SHLD2: variants seen among roughly 807,000 people sequenced by gnomAD.
SHLD2 encodes the protein RINN1-REV7-interacting novel NHEJ regulator 2.
Under a neutral mutation model 73.2 loss-of-function variants are expected in SHLD2, and 30 were observed. The observed-to-expected ratio is 0.41, with a 90% CI of 0.31 to 0.56. SHLD2 has a LOEUF of 0.56. Ranked by LOEUF, SHLD2 falls within the 20% of genes least tolerant of loss-of-function variation. The pLI is 0.28. For synonymous variants in SHLD2, 285 were observed against 370.1 expected (o/e 0.77, Z 2.64); for missense variants, 745 against 1,055.9 (o/e 0.71, Z 4.08).
At chr10:87,180,383 C>G in intron 8 of SHLD2, 80 bp downstream of exon 8, 1 of 1,532,914 alleles carries the variant, frequency 6.5e-7, no homozygotes, top group Non-Finnish European at 8.8e-7. Flanking sequence ...CCCTTACTTT[C>G]TAAAAATAAT....
intron 8 of SHLD2, among the ~76,000 whole-genome samples, chr10:87,186,078 TG>T (rs1848602719): frequency 6.6e-6 from 1 of 152,128 alleles, no homozygotes; most frequent in Admixed American, 6.5e-5. Flanking sequence ...TTTTCACTAG[TG>T]GGTACCCAGC....
intron 2 of SHLD2, among the ~76,000 whole-genome samples, chr10:87,129,360 G>C (rs1844267237): frequency 6.6e-6 from 1 of 152,116 alleles, no homozygotes; most frequent in Admixed American, 6.5e-5. Flanking sequence ...CAAAGTGCTG[G>C]GATTATGGGC....
chr10:87,148,748 A>G (rs1161989938), intron 2 of SHLD2, among the ~76,000 whole-genome samples: 1 of 152,180 alleles, frequency 6.6e-6, no homozygotes, highest in African/African-American at 2.4e-5. Context: ...AACTCAAAAA[A>G]TAAAATAAAA....
Position 87,152,808 on chromosome 10 carries a change from A to T in SHLD2, c.1454A>T (p.Lys485Met). 2 of 1,611,392 alleles carry T rather than the reference A, an allele frequency of 1.2e-6. No individual in the cohort carries two copies. Among genetic ancestry groups the T allele is most frequent in the African/African-American group, 2.7e-5 (2 of 74,916 alleles). ...ATTGATCAATCAGAAACTAAGAAGA[A>T]GGTTTTTCTGTGGAGGACTGCAGCA... is the stretch of plus-strand genomic sequence containing the variant. ...TVIDQSETKK[K>M]VFLWRTAAFW... is the part of the protein sequence containing the mutation. The change falls in exon 3 of 10, where the codon AAG becomes ATG. Residue 485 changes from lysine to methionine, a missense_variant. This residue lies in a region of SHLD2 where 418 missense variants were observed against 567.8 expected (regional missense o/e 0.74). Transcript: ENST00000298786.
chr10:87,113,070 A>G (rs1843029516), intron 2 of SHLD2, among the ~76,000 whole-genome samples: 1 of 152,188 alleles, frequency 6.6e-6, no homozygotes, highest in Admixed American at 6.5e-5. Flanking sequence ...TCACACCTGA[A>G]ATCCCAGCAC....
intron 2 of SHLD2, among the ~76,000 whole-genome samples, chr10:87,147,320 A>G (rs61858907): frequency 0.1 from 15,885 of 151,724 alleles, 947 homozygotes; most frequent in Admixed American, 0.15. Flanking sequence ...GAAATTCTCT[A>G]GAGGTGTGTG....
At chr10:87,150,116 G>A (rs1404603723) in intron 2 of SHLD2, among the ~76,000 whole-genome samples, 2 of 146,974 alleles carry the variant, frequency 1.4e-5, no homozygotes, top group East Asian at 4.1e-4. Flanking sequence ...CCAGGCTGGA[G>A]TGCAGTGGCG....
chr10:87,170,494 T>G lies in SHLD2; in HGVS notation c.1650T>G (p.Ser550Arg). Reference protein sequence around the residue: ...IQPEEYSSVVSEVVLQDLLAY... With the variant: ...IQPEEYSSVVREVVLQDLLAY... The stretch of plus-strand genomic sequence containing the variant: ...TTCCCTTAGATTCCAGTGTAGTTAG[T>G]GAAGTTGTACTTCAAGACTTACTGG... The change falls in exon 5 of 10, where the codon AGT becomes AGG. Residue 550 changes from serine (S) to arginine (R), a missense_variant. Around this residue, in one of 5 missense-constraint regions of SHLD2, gnomAD observed 418 missense variants for 567.8 expected, o/e 0.74. Transcript: ENST00000298786. 1 of 1,591,734 alleles carries G rather than the reference T, an allele frequency of 6.3e-7. No individual in the cohort carries two copies. The highest frequency in any genetic ancestry group is 8.5e-7 in the Non-Finnish European group (1 of 1,173,054).
At chr10:87,115,581 T>C (rs1437199752) in intron 2 of SHLD2, 1 of 152,012 alleles carries the variant, frequency 6.6e-6, no homozygotes. Flanking sequence ...TAGTGGGTTG[T>C]CATGGGTTAA....
intron 2 of SHLD2, among the ~76,000 whole-genome samples, chr10:87,127,209 A>G (rs1442098216): frequency 2.6e-5 from 4 of 152,062 alleles, no homozygotes; most frequent in Non-Finnish European, 5.9e-5. Context: ...ATAACAAAGT[A>G]TAACTCAATT....
chr10:87,141,632 G>A (rs932169428), intron 2 of SHLD2, among the ~76,000 whole-genome samples: 3 of 152,128 alleles, frequency 2.0e-5, no homozygotes, highest in African/African-American at 7.2e-5. Flanking sequence ...CAAAATAGCT[G>A]GAAGAGGGGC....
intron 2 of SHLD2, among the ~76,000 whole-genome samples, chr10:87,113,729 A>C (rs1213345183): frequency 6.6e-6 from 1 of 152,218 alleles, no homozygotes; most frequent in African/African-American, 2.4e-5. Context: ...AGTATAGGCC[A>C]AGTGCAGTGG....
chr10:87,122,606 T>G (rs1464018102), intron 2 of SHLD2, among the ~76,000 whole-genome samples: 2 of 152,014 alleles, frequency 1.3e-5, no homozygotes, highest in African/African-American at 2.4e-5. Flanking sequence ...TAAAATTGAT[T>G]CCTGCCCTGG....
intron 2 of SHLD2, among the ~76,000 whole-genome samples, chr10:87,121,847 C>T (rs1371176796): frequency 4.7e-5 from 7 of 148,618 alleles, no homozygotes; most frequent in Non-Finnish European, 8.9e-5. Flanking sequence ...TCACTGCATC[C>T]TCCGCCTCCT....
At chr10:87,128,878 A>C (rs1844226134) in intron 2 of SHLD2, among the ~76,000 whole-genome samples, 1 of 151,942 alleles carries the variant, frequency 6.6e-6, no homozygotes, top group African/African-American at 2.4e-5. Context: ...TTAATTTTTA[A>C]ATTTATTTAT....
chr10:87,129,898 G>T (rs1374979712), intron 2 of SHLD2, among the ~76,000 whole-genome samples: 1 of 152,118 alleles, frequency 6.6e-6, no homozygotes, highest in Admixed American at 6.5e-5. Flanking sequence ...TGGGATTACA[G>T]TGTAGTATCT....
chr10:87,128,136 A>G (rs927388595), intron 2 of SHLD2, among the ~76,000 whole-genome samples: 6 of 152,348 alleles, frequency 3.9e-5, no homozygotes, highest in African/African-American at 1.2e-4. Context: ...TAAAACAAAC[A>G]GTAATTCTCA....
chr10:87,105,960 CTG>C (rs1486306014), intron 2 of SHLD2, among the ~76,000 whole-genome samples: 2 of 152,194 alleles, frequency 1.3e-5, no homozygotes, highest in African/African-American at 4.8e-5. Flanking sequence ...TACAGGCAGA[CTG>C]TGCCAGCCAG....
chr10:87,130,844 G>A (rs1844376306), intron 2 of SHLD2, among the ~76,000 whole-genome samples: 1 of 152,166 alleles, frequency 6.6e-6, no homozygotes. Flanking sequence ...GTCGAGGCAG[G>A]TAGACTCCTT....
Sources: allele counts gnomAD v4.1 joint callset (sites outside exome capture counted in the v4.1 genomes callset), GRCh38; gene constraint gnomAD v4.1.1; regional missense constraint gnomAD v4.1.1; transcripts MANE v1.5; gene names NCBI Gene and HGNC (gene_info 2026-07-23, HGNC 2026-07-21).